Variants in PIK3C2B observed in about 807,000 individuals in gnomAD.
PIK3C2B encodes phosphatidylinositol 4-phosphate 3-kinase C2 domain-containing subunit beta.
Under a neutral mutation model 184.3 loss-of-function variants are expected in PIK3C2B, and 83 were observed. That is an observed-to-expected ratio of 0.45 (90% CI 0.38 to 0.54). The LOEUF (loss-of-function observed/expected upper bound fraction) is 0.54, where lower values mean the gene tolerates loss of function less well. Ranked by LOEUF, PIK3C2B falls within the 20% of genes least tolerant of loss-of-function variation. The pLI, the probability that PIK3C2B is intolerant of heterozygous loss-of-function variation, is 0.00. For missense variants in PIK3C2B, 1,736 were observed against 2,113.5 expected (o/e 0.82, Z 3.50); for synonymous variants, 779 against 837.6 (o/e 0.93, Z 1.21).
intron 1 of PIK3C2B, among the ~76,000 whole-genome samples, chr1:204,489,105 A>C (rs951603823): frequency 6.6e-6 from 1 of 152,054 alleles, no homozygotes; most frequent in African/African-American, 2.4e-5. Context: ...TTCCTGACCT[A>C]GACTCAAATT....
chr1:204,449,397 A>G, intron 13 of PIK3C2B, 101 bp from the exon 14 acceptor site: 1 of 824,894 alleles, frequency 1.2e-6, no homozygotes, highest in South Asian at 1.5e-5. Context: ...GTTTGAAGCC[A>G]TCATCCAACT....
At position 204,484,428 on chromosome 1, in the gene PIK3C2B, A is replaced by G. The variant is rs75852924; in HGVS notation, c.-85+9928T>C. 2.0e-4 allele frequency among the ~76,000 whole-genome samples: 31 copies of G among 152,334 alleles called. No individual in the cohort carries two copies. In the East Asian group the frequency reaches 6.0e-3, roughly 29 times the overall value. On this transcript the variant is annotated intron_variant, in intron 1 of 32. Transcript: ENST00000684373. Reference sequence around the variant, plus strand: ...CATCCTGTTGTGGAAACCCAGGCACATCACATTTGATTAAGTGTTTAAGCT... The same window carrying G: ...CATCCTGTTGTGGAAACCCAGGCACGTCACATTTGATTAAGTGTTTAAGCT...
At chr1:204,427,145 A>C (rs934199015) in intron 31 of PIK3C2B, among the ~76,000 whole-genome samples, 4 of 152,110 alleles carry the variant, frequency 2.6e-5, no homozygotes, top group Non-Finnish European at 4.4e-5. Flanking sequence ...TCAAAAAAAA[A>C]AAAAAGTTCC....
chr1:204,460,722 A>G (rs777643490), intron 5 of PIK3C2B, 61 bp from the exon 6 acceptor site: 1 of 1,010,116 alleles, frequency 9.9e-7, no homozygotes, highest in Non-Finnish European at 1.6e-6. Flanking sequence ...AGGGAGATAC[A>G]TACCTTAGCC....
At chr1:204,473,568 G>A (rs561996477) in intron 1 of PIK3C2B, among the ~76,000 whole-genome samples, 161 of 152,316 alleles carry the variant, frequency 1.1e-3, no homozygotes, top group African/African-American at 3.6e-3. Context: ...AGTTGGATTG[G>A]GCTTAAGTAT....
rs898027145 is a variant in PIK3C2B at position 204,424,124 on chromosome 1, A to G, written c.*728T>C. 2 of 153,770 alleles carry G rather than the reference A, an allele frequency of 1.3e-5. No homozygotes were observed. The highest frequency in any genetic ancestry group is 2.9e-5 in the Non-Finnish European group (2 of 68,912). The allele number at this position is 153,770 out of a possible 1,614,324, so 9.5% of individuals were successfully genotyped here. On this transcript the variant is annotated 3_prime_UTR_variant, in exon 33 of 33. Coordinates refer to ENST00000684373, the MANE Select transcript of PIK3C2B (RefSeq NM_001377334.1). Reference sequence around the variant, plus strand: ...AATACGGGTCCTTGGCAGAACCCCAATACGGAAGGCCCTTCCTTACACATG... The same window carrying G: ...AATACGGGTCCTTGGCAGAACCCCAGTACGGAAGGCCCTTCCTTACACATG...
intron 18 of PIK3C2B, 72 bp from the exon 19 acceptor site, chr1:204,443,669 T>G: frequency 7.0e-7 from 1 of 1,419,666 alleles, no homozygotes; most frequent in Admixed American, 1.7e-5. Flanking sequence ...GGAGACAGAG[T>G]CAGGCCCAGC....
At chr1:204,490,656 GCT>G (rs1217117937) in intron 1 of PIK3C2B, among the ~76,000 whole-genome samples, 1 of 151,994 alleles carries the variant, frequency 6.6e-6, no homozygotes, top group Non-Finnish European at 1.5e-5. Flanking sequence ...GGGAGAGGTG[GCT>G]CATGCCCGTA....
rs752016118 is a variant in PIK3C2B at position 204,432,258 on chromosome 1, C to A, written c.4097G>T (p.Arg1366Leu). The change falls in exon 27 of 33, where the codon CGA becomes CTA. Residue 1366 changes from arginine (R) to leucine (L), a missense_variant. Physicochemically the swap from Arg to Leu is moderately radical, Grantham distance 102. Coordinates refer to ENST00000684373, the MANE Select transcript of PIK3C2B (RefSeq NM_001377334.1). ...GCGGCAGAGGAAAACATCACTGATTCGGCCAGAGCTCTTGAGAGTGTGTGT... is the reference window on the plus strand; with the variant it reads ...GCGGCAGAGGAAAACATCACTGATTAGGCCAGAGCTCTTGAGAGTGTGTGT... ...SRTHTLKSSG[R>L]ISDVFLCRHE... The A allele has an allele frequency of 4.3e-6, 7 of 1,613,960 alleles. No homozygotes were observed. The East Asian group carries it at 1.3e-4, about 31-fold the overall frequency.
At chr1:204,493,573 G>A (rs1220935731) in intron 1 of PIK3C2B, among the ~76,000 whole-genome samples, 2 of 123,408 alleles carry the variant, frequency 1.6e-5, no homozygotes, top group Admixed American at 1.6e-4. Flanking sequence ...CAGCCAACTA[G>A]GGTGTGTGCA....
intron 1 of PIK3C2B, among the ~76,000 whole-genome samples, chr1:204,493,278 G>C (rs1021245160): frequency 6.6e-6 from 1 of 152,172 alleles, no homozygotes; most frequent in African/African-American, 2.4e-5. Flanking sequence ...GGCAGCATTG[G>C]CCCACTTCTT....
intron 1 of PIK3C2B, among the ~76,000 whole-genome samples, chr1:204,481,268 C>CTTTT (rs59090154): frequency 1.7e-5 from 2 of 118,758 alleles, no homozygotes; most frequent in Non-Finnish European, 3.3e-5. Flanking sequence ...AGGTCACATT[C>CTTTT]TTTTTTTTTT....
rs770890418 is a variant in PIK3C2B, at chr1:204,434,588, GTAGA to G, written c.3533_3536del (p.Ile1178ThrfsTer25). ...TGGCCACGCAGCAGCCAGCGCAGGA[GTAGA>G]TAAAGTTCTCCACAGCCTGGGAGGG... On this transcript the variant is annotated frameshift_variant, in exon 24 of 33. Coordinates refer to ENST00000684373, the MANE Select transcript of PIK3C2B (RefSeq NM_001377334.1). LOFTEE classifies it high-confidence loss of function. 1 of 1,613,752 alleles carries G rather than the reference GTAGA, an allele frequency of 6.2e-7. No individual in the cohort carries two copies. The highest frequency in any genetic ancestry group is 8.5e-7 in the Non-Finnish European group (1 of 1,179,654).
Position 204,449,969 on chromosome 1 carries a change from C to A in PIK3C2B, c.2115G>T (p.Leu705=). The change falls in exon 13 of 33, where the codon CTG becomes CTT. Residue 705 remains leucine, a synonymous_variant. Transcript: ENST00000684373. The part of the protein sequence containing the change: ...QVNRLPRETL[L]CATLYALPIP... ...TGGGCAGAGCATAGAGAGTGGCACA[C>A]AGCAGTGTCTCCCGAGGCAGCCGGT... The A allele has an allele frequency of 6.2e-7, 1 of 1,605,130 alleles. No homozygotes were observed. The highest frequency in any genetic ancestry group is 1.1e-5 in the South Asian group (1 of 89,246).
rs764076239 is a variant in PIK3C2B at position 204,466,999 on chromosome 1, C to G, written c.934-1680G>C. 4 of 497,208 alleles carry G rather than the reference C, an allele frequency of 8.0e-6. No individual in the cohort carries two copies. In the Admixed American group the frequency reaches 8.9e-5, roughly 11 times the overall value. The allele number at this position is 497,208 out of a possible 1,614,324, so 30.8% of individuals were successfully genotyped here. Reference sequence around the variant, plus strand: ...GGTCCCCCCTCCCAGCAGGCTGAGCCCCTGCAACAAGCTGAGCCGGGGAGG... The same window carrying G: ...GGTCCCCCCTCCCAGCAGGCTGAGCGCCTGCAACAAGCTGAGCCGGGGAGG... On this transcript the variant is annotated intron_variant, in intron 2 of 32. Transcript: ENST00000684373.
At chr1:204,449,705 G>T in intron 13 of PIK3C2B, 145 bp downstream of exon 13, 1 of 728,864 alleles carries the variant, frequency 1.4e-6, no homozygotes, top group Non-Finnish European at 2.2e-6. Flanking sequence ...CCAGTTCTGT[G>T]CTTGGGGATC....
At chr1:204,479,981 G>A (rs1434300366) in intron 1 of PIK3C2B, among the ~76,000 whole-genome samples, 2 of 152,274 alleles carry the variant, frequency 1.3e-5, no homozygotes, top group African/African-American at 2.4e-5. Flanking sequence ...AGAGGCCACG[G>A]CAGAGGAGCT....
At chr1:204,430,751 C>T (rs1270645815) in intron 28 of PIK3C2B, among the ~76,000 whole-genome samples, 1 of 151,956 alleles carries the variant, frequency 6.6e-6, no homozygotes, top group South Asian at 2.1e-4. Context: ...CTCTGCCTCC[C>T]GGGTTCAAGC....
intron 31 of PIK3C2B, 105 bp from the exon 32 acceptor site, chr1:204,425,846 G>C (rs1185651895): frequency 6.2e-5 from 66 of 1,065,310 alleles, no homozygotes; most frequent in Non-Finnish European, 8.5e-5. Context: ...CTGCCATCTG[G>C]CATCTTGCAA....
Sources: gnomAD v4.1 joint callset for allele counts (sites outside exome capture counted in the v4.1 genomes callset) on GRCh38, gnomAD v4.1.1 for gene constraint, MANE v1.5 for transcripts, NCBI Gene and HGNC (gene_info 2026-07-23, HGNC 2026-07-21) for gene names.